Variants in SLCO2B1 observed in about 807,000 individuals in gnomAD.
SLCO2B1 encodes the protein solute carrier organic anion transporter family member 2B1, also known as OATP-RP2.
A neutral mutation model predicts 67.3 loss-of-function variants in SLCO2B1; 41 were observed. That is an observed-to-expected ratio of 0.61 (90% CI 0.47 to 0.79). SLCO2B1 has a LOEUF of 0.79. Among genes scored for constraint, SLCO2B1 ranks in the 30% least tolerant of loss-of-function variants. The pLI is 0.00. For missense variants in SLCO2B1, 837 were observed against 920.1 expected, an observed-to-expected ratio of 0.91 and a Z score of 1.17; for synonymous variants, 379 against 381.4, an observed-to-expected ratio of 0.99 and a Z score of 0.07.
At chr11:75,189,190 C>G (rs1944982215) in intron 8 of SLCO2B1, among the ~76,000 whole-genome samples, 1 of 152,206 alleles carries the variant, frequency 6.6e-6, no homozygotes, top group Non-Finnish European at 1.5e-5. Flanking sequence ...CATTCTTTCT[C>G]AAGATTATGA....
At chr11:75,167,231 C>T (rs979587787) in intron 4 of SLCO2B1, among the ~76,000 whole-genome samples, 45 of 152,102 alleles carry the variant, frequency 3.0e-4, no homozygotes, top group African/African-American at 1.0e-3. Flanking sequence ...AAACTCAGCG[C>T]GTGCATGAAG....
chr11:75,198,531 C>A (rs976599605), intron 10 of SLCO2B1, among the ~76,000 whole-genome samples: 1 of 152,212 alleles, frequency 6.6e-6, no homozygotes, highest in Non-Finnish European at 1.5e-5. Flanking sequence ...CAGGAAAGGA[C>A]CAGACATTGC....
In SLCO2B1 at chr11:75,200,056, C is replaced by A; in HGVS notation, c.1600-168C>A. On this transcript the variant is annotated intron_variant, in intron 10 of 13. Coordinates refer to ENST00000289575, the MANE Select transcript of SLCO2B1 (RefSeq NM_007256.5). ...GACAGCCCTTGAGGTGCCTGCTCCT[C>A]AAGCCGTCTTTGCTCAGCCAACGGG... is the stretch of plus-strand genomic sequence containing the variant. 7.9e-6 allele frequency: 5 copies of A among 633,724 alleles called. No homozygotes were observed. The South Asian group carries it at 1.1e-4, about 13-fold the overall frequency. The allele number at this position is 633,724 out of a possible 1,614,324, so 39.3% of individuals were successfully genotyped here. A position where few individuals can be genotyped will look rare whatever the true frequency, so the allele number is the denominator to read the frequency against.
chr11:75,164,849 G>A (rs1949867742), intron 3 of SLCO2B1, among the ~76,000 whole-genome samples: 1 of 152,166 alleles, frequency 6.6e-6, no homozygotes, highest in Non-Finnish European at 1.5e-5. Context: ...TTTGCTCTGG[G>A]AGTTTGGGCA....
At chr11:75,184,376 T>C (rs1023697041) in intron 7 of SLCO2B1, among the ~76,000 whole-genome samples, 1 of 152,216 alleles carries the variant, frequency 6.6e-6, no homozygotes, top group African/African-American at 2.4e-5. Flanking sequence ...ATGTATAAAA[T>C]AGACATTCTT....
In SLCO2B1 at chr11:75,151,273, A is replaced by G. The variant is rs1221527241; in HGVS notation, c.-109A>G. 1.6e-5 allele frequency: 15 copies of G among 960,004 alleles called. No homozygotes were observed. The highest frequency in any genetic ancestry group is 2.4e-5 in the Non-Finnish European group (15 of 617,506). The allele number at this position is 960,004 out of a possible 1,614,324, so 59.5% of individuals were successfully genotyped here. On this transcript the variant is annotated 5_prime_UTR_variant, in exon 1 of 14. Coordinates refer to ENST00000289575, the MANE Select transcript of SLCO2B1 (RefSeq NM_007256.5). ...CGTTATTGCATCCCTGCTGTGGCTC[A>G]CCTGCTGCTGTCTCCAGGAGCCCCT... is the stretch of plus-strand genomic sequence containing the variant.
chr11:75,200,693 G>T, intron 11 of SLCO2B1: 1 of 283,016 alleles, frequency 3.5e-6, no homozygotes, highest in Admixed American at 5.1e-5. Flanking sequence ...CCAGGGGAGA[G>T]GAGGACATAC....
chr11:75,167,146 T>G (rs937491518), intron 4 of SLCO2B1, among the ~76,000 whole-genome samples: 1 of 152,032 alleles, frequency 6.6e-6, no homozygotes, highest in Non-Finnish European at 1.5e-5. Context: ...AGGTGGCACT[T>G]GAGCTGCAGC....
chr11:75,198,493 C>T (rs1945135870), intron 10 of SLCO2B1, among the ~76,000 whole-genome samples: 2 of 152,234 alleles, frequency 1.3e-5, no homozygotes, highest in South Asian at 4.1e-4. Context: ...TTCTATTACG[C>T]CCATTGTACA....
intron 1 of SLCO2B1, among the ~76,000 whole-genome samples, chr11:75,161,314 G>T (rs1260131789): frequency 6.6e-6 from 1 of 152,170 alleles, no homozygotes; most frequent in African/African-American, 2.4e-5. Context: ...ACTACAGATG[G>T]GTACGGGACT....
chr11:75,187,890 T>C (rs1944960242), intron 7 of SLCO2B1, among the ~76,000 whole-genome samples: 1 of 152,236 alleles, frequency 6.6e-6, no homozygotes, highest in Non-Finnish European at 1.5e-5. Flanking sequence ...TCATGACAAC[T>C]AACCCATGTG....
At chr11:75,165,116 A>G (rs1949871556) in intron 3 of SLCO2B1, among the ~76,000 whole-genome samples, 1 of 152,116 alleles carries the variant, frequency 6.6e-6, no homozygotes, top group African/African-American at 2.4e-5. Flanking sequence ...ACATCCTAGG[A>G]TTGTGATCCT....
chr11:75,156,077 T>C (rs148636710), intron 1 of SLCO2B1, among the ~76,000 whole-genome samples: 1 of 152,206 alleles, frequency 6.6e-6, no homozygotes, highest in African/African-American at 2.4e-5. Flanking sequence ...TTAATCCTAA[T>C]AAAAACACTG....
At position 75,204,594 on chromosome 11, in the gene SLCO2B1, C is replaced by T. The variant is rs1216487851; in HGVS notation, c.*14C>T. ...TCCCGAGTGTGAGCTGTCTTGGGGC[C>T]CCACCTGGCCAAGAGTAGCAGCCAC... On this transcript the variant is annotated 3_prime_UTR_variant, in exon 14 of 14. Coordinates refer to ENST00000289575, the MANE Select transcript of SLCO2B1 (RefSeq NM_007256.5). 1 of 1,592,044 alleles carries T rather than the reference C, an allele frequency of 6.3e-7. No homozygotes were observed. Among genetic ancestry groups the T allele is most frequent in the Non-Finnish European group, 8.5e-7 (1 of 1,170,498 alleles).
Position 75,204,500 on chromosome 11 carries a change from G to C in SLCO2B1, c.2050G>C (p.Glu684Gln). The change falls in exon 14 of 14, where the codon GAG (glutamate) becomes CAG (glutamine). Residue 684 changes from glutamate (E) to glutamine (Q), a missense_variant. By Grantham distance (29) the Glu-to-Gln change is conservative. Coordinates refer to ENST00000289575, the MANE Select transcript of SLCO2B1 (RefSeq NM_007256.5). ...GCAGGACAAAGAGGCAAGGACCAAAGAGAGCAGATCCAGCCCTGCCGTAGA... is the reference window on the plus strand; with the variant it reads ...GCAGGACAAAGAGGCAAGGACCAAACAGAGCAGATCCAGCCCTGCCGTAGA... ...RQQDKEARTK[E>Q]SRSSPAVEQQ... 1 of 1,613,688 alleles carries C rather than the reference G, an allele frequency of 6.2e-7. No homozygotes were observed. Among genetic ancestry groups the C allele is most frequent in the Non-Finnish European group, 8.5e-7 (1 of 1,179,780 alleles).
intron 7 of SLCO2B1, among the ~76,000 whole-genome samples, chr11:75,182,632 C>T (rs60209017): frequency 0.026 from 3,896 of 151,988 alleles, 76 homozygotes; most frequent in African/African-American, 0.049. Context: ...GTCTCAGCTA[C>T]TCGGGAGGCT....
At chr11:75,201,802 T>C (rs1178541708) in intron 11 of SLCO2B1, 2 of 152,204 alleles carry the variant, frequency 1.3e-5, no homozygotes, top group Non-Finnish European at 2.9e-5. Flanking sequence ...CTCCATGTGT[T>C]CAGCTATCCG....
At chr11:75,172,746 G>A (rs1029021369) in intron 7 of SLCO2B1, among the ~76,000 whole-genome samples, 177 bp downstream of exon 7, 15 of 152,086 alleles carry the variant, frequency 9.9e-5, no homozygotes, top group African/African-American at 3.1e-4. Context: ...TGGCTAACAC[G>A]GTGAAACCCC....
chr11:75,170,033 T>G, intron 6 of SLCO2B1: 1 of 425,404 alleles, frequency 2.4e-6, no homozygotes, highest in Non-Finnish European at 4.3e-6. Context: ...GTCACTACTA[T>G]TACTGGGAGT....
Sources: allele counts gnomAD v4.1 joint callset (sites outside exome capture counted in the v4.1 genomes callset), GRCh38; gene constraint gnomAD v4.1.1; transcripts MANE v1.5; gene names NCBI Gene and HGNC (gene_info 2026-07-23, HGNC 2026-07-21).